The following EPHX2 variants were observed in gnomAD, a reference collection of about 807,000 sequenced individuals.
The protein encoded by EPHX2 is epoxide hydrolase 2.
In EPHX2, 74 loss-of-function variants were observed where a neutral mutation model predicts 78.7. That is an observed-to-expected ratio of 0.94 (90% CI 0.78 to 1.14). The LOEUF (loss-of-function observed/expected upper bound fraction) is 1.14, where lower values mean the gene tolerates loss of function less well. Among genes scored for constraint, EPHX2 ranks in the 50% most tolerant of loss-of-function variants. The pLI is 0.00. For synonymous variants in EPHX2, 251 were observed against 255.2 expected (o/e 0.98, Z 0.16); for missense variants, 715 against 702.5 (o/e 1.02, Z -0.20).
At chr8:27,516,916 C>CTT (rs1814476791) in intron 8 of EPHX2, among the ~76,000 whole-genome samples, 1 of 132,626 alleles carries the variant, frequency 7.5e-6, no homozygotes, top group Admixed American at 7.2e-5. Flanking sequence ...CAATTTCCTT[C>CTT]CTATTTTTTT....
intron 4 of EPHX2, 42 bp downstream of exon 4, chr8:27,505,188 A>T: frequency 6.2e-7 from 1 of 1,602,498 alleles, no homozygotes; most frequent in Non-Finnish European, 8.5e-7. Flanking sequence ...ATGTTCAGAG[A>T]TATTGCAACC....
In EPHX2 at chr8:27,491,220, C is replaced by A; in HGVS notation, c.12C>A (p.Arg4=). The part of the protein sequence containing the change: MTL[R]AAVFDLDGVL... ...GCAGACCCGCCGCCATGACGCTGCG[C>A]GCGGCCGTCTTCGACCTTGACGGGG... The change falls in exon 1 of 19, where the codon CGC becomes CGA. Residue 4 remains arginine (R), a synonymous_variant. Coordinates refer to ENST00000521400, the MANE Select transcript of EPHX2 (RefSeq NM_001979.6). 6.3e-7 allele frequency: 1 copy of A among 1,582,426 alleles called. No individual in the cohort carries two copies. The highest frequency in any genetic ancestry group is 8.5e-7 in the Non-Finnish European group (1 of 1,172,980).
chr8:27,507,090 G>A (rs1814039121), intron 5 of EPHX2, 96 bp downstream of exon 5: 2 of 1,488,358 alleles, frequency 1.3e-6, no homozygotes, highest in Non-Finnish European at 1.8e-6. Context: ...TGTCCGTGGA[G>A]TCCATGAATG....
At chr8:27,548,574 T>C (rs557279166), downstream of EPHX2, among the ~76,000 whole-genome samples, 463 of 152,328 alleles carry the variant, frequency 3.0e-3, 2 homozygotes, top group African/African-American at 0.011. Flanking sequence ...GCCTGGCATA[T>C]GTAAAATGCT....
chr8:27,538,288 C>T (rs1815276956), intron 13 of EPHX2, among the ~76,000 whole-genome samples: 1 of 152,136 alleles, frequency 6.6e-6, no homozygotes, highest in Non-Finnish European at 1.5e-5. Flanking sequence ...ACTGGATTTA[C>T]CATGGAGGAG....
intron 1 of EPHX2, among the ~76,000 whole-genome samples, chr8:27,496,393 G>T (rs557476627): frequency 6.6e-6 from 1 of 152,284 alleles, no homozygotes; most frequent in South Asian, 2.1e-4. Context: ...GACCATCCAC[G>T]AAAGTTGGGA....
At chr8:27,502,152 T>A (rs1006287776) in intron 2 of EPHX2, among the ~76,000 whole-genome samples, 1 of 152,252 alleles carries the variant, frequency 6.6e-6, no homozygotes, top group Admixed American at 6.5e-5. Flanking sequence ...AATAGATCAC[T>A]TTTACCTGTT....
intron 3 of EPHX2, 96 bp downstream of exon 3, chr8:27,503,859 A>G (rs1168802135): frequency 7.0e-7 from 1 of 1,427,758 alleles, no homozygotes; most frequent in African/African-American, 1.4e-5. Flanking sequence ...GAGATCACAG[A>G]TCTTCTGAGC....
intron 14 of EPHX2, 74 bp from the exon 15 acceptor site, chr8:27,540,480 C>A: frequency 7.7e-7 from 1 of 1,306,174 alleles, no homozygotes; most frequent in Non-Finnish European, 1.1e-6. Flanking sequence ...CTGCGAGAGG[C>A]AATGAGGTCC....
At chr8:27,509,321 A>G (rs1046873819) in intron 5 of EPHX2, among the ~76,000 whole-genome samples, 5 of 152,184 alleles carry the variant, frequency 3.3e-5, no homozygotes, top group Non-Finnish European at 5.9e-5. Flanking sequence ...TATTGGGAAT[A>G]GTGCTGCTAT....
At chr8:27,518,229 C>G (rs1441832668) in intron 9 of EPHX2, among the ~76,000 whole-genome samples, 157 bp downstream of exon 9, 1 of 152,088 alleles carries the variant, frequency 6.6e-6, no homozygotes, top group African/African-American at 2.4e-5. Context: ...AAATGATAGC[C>G]CACATGTATG....
intron 11 of EPHX2, among the ~76,000 whole-genome samples, chr8:27,524,945 A>G (rs1814771156): frequency 6.6e-6 from 1 of 152,002 alleles, no homozygotes; most frequent in Admixed American, 6.5e-5. Context: ...CCATAGAATT[A>G]TGCTCAATCC....
At chr8:27,494,405 A>G (rs1813498006) in intron 1 of EPHX2, among the ~76,000 whole-genome samples, 1 of 152,230 alleles carries the variant, frequency 6.6e-6, no homozygotes, top group African/African-American at 2.4e-5. Flanking sequence ...TGGCTTTAAA[A>G]GCCAGACCAT....
At chr8:27,506,559 G>GT (rs1814012372) in intron 4 of EPHX2, among the ~76,000 whole-genome samples, 1 of 152,132 alleles carries the variant, frequency 6.6e-6, no homozygotes, top group African/African-American at 2.4e-5. Flanking sequence ...CCTCACTACA[G>GT]TTCTTTTCCA....
At chr8:27,529,995 CAGA>C (rs1814979897) in intron 12 of EPHX2, among the ~76,000 whole-genome samples, 3 of 151,720 alleles carry the variant, frequency 2.0e-5, no homozygotes. Flanking sequence ...AAATTGTAGG[CAGA>C]AGGTTTTACC....
downstream of EPHX2, among the ~76,000 whole-genome samples, chr8:27,546,792 T>C (rs889129708): frequency 3.3e-5 from 5 of 152,138 alleles, no homozygotes; most frequent in Admixed American, 6.5e-5. Flanking sequence ...TTATACAAGA[T>C]TGAGGGCTGT....
intron 1 of EPHX2, among the ~76,000 whole-genome samples, chr8:27,498,077 G>C (rs1813638983): frequency 6.6e-6 from 1 of 152,242 alleles, no homozygotes; most frequent in African/African-American, 2.4e-5. Flanking sequence ...TCTAAGTGAG[G>C]TCGAAGGTTT....
intron 7 of EPHX2, among the ~76,000 whole-genome samples, 162 bp downstream of exon 7, chr8:27,515,975 G>T (rs1814435318): frequency 6.6e-6 from 1 of 152,198 alleles, no homozygotes; most frequent in Non-Finnish European, 1.5e-5. Flanking sequence ...AGACCTCAGG[G>T]CTATGTTAGG....
intron 4 of EPHX2, among the ~76,000 whole-genome samples, chr8:27,505,347 C>T (rs1310135664): frequency 1.3e-5 from 2 of 152,122 alleles, no homozygotes; most frequent in Admixed American, 6.5e-5. Flanking sequence ...GCATTTGGCT[C>T]CATTGTATAG....
Sources: allele counts gnomAD v4.1 joint callset (sites outside exome capture counted in the v4.1 genomes callset), GRCh38; gene constraint gnomAD v4.1.1; transcripts MANE v1.5; gene names NCBI Gene and HGNC (gene_info 2026-07-23, HGNC 2026-07-21).